The following NRBF2 variants were observed in gnomAD, a reference collection of about 807,000 sequenced individuals.
The protein encoded by NRBF2 is nuclear receptor binding factor 2, also known as nuclear receptor-binding factor 2.
Under a neutral mutation model 28.5 loss-of-function variants are expected in NRBF2, and 12 were observed. The ratio of observed to expected loss-of-function variants is 0.42; its 90% confidence interval spans 0.27 to 0.68. The LOEUF (loss-of-function observed/expected upper bound fraction) is 0.68. NRBF2 is among the 30% of genes least tolerant of loss of function. The pLI, the probability that NRBF2 is intolerant of heterozygous loss-of-function variation, is 0.24. For missense variants in NRBF2, 274 were observed against 333.5 expected, an observed-to-expected ratio of 0.82 and a Z score of 1.39; for synonymous variants, 102 against 116.5, an observed-to-expected ratio of 0.88 and a Z score of 0.80.
rs548510520 is a variant in NRBF2 at position 63,148,814 on chromosome 10, T to A, written c.115+2521T>A. ...AGCATTCATTTGCCAGATAAGCACA[T>A]CCCTAAGTGAATTTCTCTTCTTTCA... On this transcript the variant is annotated intron_variant, in intron 2 of 3. Transcript: ENST00000277746. 3.9e-5 allele frequency among the ~76,000 whole-genome samples: 6 copies of A among 152,242 alleles called. No individual in the cohort carries two copies. In the South Asian group the frequency reaches 1.2e-3, roughly 32 times the overall value.
chr10:63,143,747 C>T (rs1342610426), intron 1 of NRBF2, among the ~76,000 whole-genome samples: 4 of 137,440 alleles, frequency 2.9e-5, no homozygotes, highest in African/African-American at 1.1e-4. Context: ...CCACCATGCC[C>T]GATTTTTTTT....
intron 1 of NRBF2, among the ~76,000 whole-genome samples, chr10:63,136,708 C>G (rs557997866): frequency 9.8e-5 from 15 of 152,292 alleles, no homozygotes; most frequent in Admixed American, 6.5e-4. Flanking sequence ...CCATATTGTA[C>G]TCATCATGTT....
intron 1 of NRBF2, among the ~76,000 whole-genome samples, 158 bp from the exon 2 acceptor site, chr10:63,146,051 A>G (rs1841555531): frequency 6.6e-6 from 1 of 152,170 alleles, no homozygotes; most frequent in African/African-American, 2.4e-5. Flanking sequence ...TCTAGGCTCT[A>G]CCCATTACAT....
chr10:63,151,986 C>T (rs567561867), intron 2 of NRBF2, among the ~76,000 whole-genome samples, 164 bp from the exon 3 acceptor site: 93 of 152,320 alleles, frequency 6.1e-4, no homozygotes, highest in African/African-American at 2.2e-3. Flanking sequence ...TTGCCACTGA[C>T]ATCCTTTTGG....
chr10:63,142,780 C>CTTTTTTTTTTTTTTTTTTTTTTTT lies in NRBF2; in HGVS notation c.31-3409_31-3408insTTTTTTTTTTTTTTTTTTTTTTTT, dbSNP rs781293012. Among the ~76,000 whole-genome samples, 42 of 74,900 alleles carry CTTTTTTTTTTTTTTTTTTTTTTTT rather than the reference C, an allele frequency of 5.6e-4. 1 individual carries two copies. The highest frequency in any genetic ancestry group is 1.5e-3 in the African/African-American group (25 of 17,112). 49.1% of individuals were successfully genotyped at this position (74,900 alleles called of 152,430 possible). A position where few individuals can be genotyped will look rare whatever the true frequency, so the allele number is the denominator to read the frequency against. ...AGTCATTTCTTTTCTTTCTTTCTTT[C>CTTTTTTTTTTTTTTTTTTTTTTTT]TTTTTTTTTTTTTTTTTTTTGAGGC... On this transcript the variant is annotated intron_variant, in intron 1 of 3. Coordinates refer to ENST00000277746, the MANE Select transcript of NRBF2 (RefSeq NM_030759.5).
chr10:63,144,177 A>T (rs554234031), intron 1 of NRBF2, among the ~76,000 whole-genome samples: 2 of 152,074 alleles, frequency 1.3e-5, no homozygotes, highest in South Asian at 4.2e-4. Flanking sequence ...AATGTCCAGA[A>T]TTTTTTCATC....
In NRBF2 at chr10:63,135,647, CTTTTTTTT is replaced by C. The variant is rs763603312; in HGVS notation, c.30+2158_30+2165del. 6.1e-3 allele frequency among the ~76,000 whole-genome samples: 789 copies of C among 129,456 alleles called. 7 individuals are homozygous for C. The highest frequency in any genetic ancestry group is 0.021 in the African/African-American group (732 of 35,562). 84.9% of individuals were successfully genotyped at this position (129,456 alleles called of 152,430 possible). On this transcript the variant is annotated intron_variant, in intron 1 of 3. Coordinates refer to ENST00000277746, the MANE Select transcript of NRBF2 (RefSeq NM_030759.5). ...TATCAGAAATTTGGCATCTTGAATTCTTTTTTTTTTTTTTTTTTGAGATGGAGTCTCTC... is the reference window on the plus strand; with the variant it reads ...TATCAGAAATTTGGCATCTTGAATTCTTTTTTTTTTGAGATGGAGTCTCTC...
chr10:63,139,547 T>C (rs1198756035), intron 1 of NRBF2, among the ~76,000 whole-genome samples: 1 of 152,150 alleles, frequency 6.6e-6, no homozygotes, highest in Admixed American at 6.5e-5. Flanking sequence ...CACTTGAAAT[T>C]AGCTTAAGCC....
intron 1 of NRBF2, among the ~76,000 whole-genome samples, chr10:63,140,144 AAAAC>A (rs148912642): frequency 0.018 from 2,785 of 152,264 alleles, 84 homozygotes; most frequent in African/African-American, 0.064. Context: ...CATCTCAAAA[AAAAC>A]AGCAAGGAAA....
intron 1 of NRBF2, among the ~76,000 whole-genome samples, chr10:63,144,641 C>A (rs576527696): frequency 6.6e-6 from 1 of 152,258 alleles, no homozygotes; most frequent in South Asian, 2.1e-4. Context: ...TGGTCTCGAT[C>A]TCCTGACCTT....
intron 2 of NRBF2, among the ~76,000 whole-genome samples, chr10:63,147,013 G>A (rs972583142): frequency 3.9e-5 from 6 of 152,110 alleles, no homozygotes; most frequent in Non-Finnish European, 8.8e-5. Flanking sequence ...TAGTGTAGTG[G>A]TAAGTATAAA....
Position 63,153,663 on chromosome 10 carries a change from A to G in NRBF2, c.309A>G (p.Lys103=). The G allele has an allele frequency of 6.2e-7, 1 of 1,611,670 alleles. No individual in the cohort carries two copies. The highest frequency in any genetic ancestry group is 8.5e-7 in the Non-Finnish European group (1 of 1,179,754). ...CTGCCCATCTTCAGACATCTCACAA[A>G]CCCTCTGCAGAGGATGCAGAGGGCC... ...DAAAHLQTSH[K]PSAEDAEGQS... is the part of the protein sequence containing the mutation. Residue 103 remains lysine, a synonymous_variant, in exon 4 of 4, where the codon AAA becomes AAG. Coordinates refer to ENST00000277746, the MANE Select transcript of NRBF2 (RefSeq NM_030759.5).
chr10:63,139,193 G>C (rs996704364), intron 1 of NRBF2, among the ~76,000 whole-genome samples: 1 of 151,952 alleles, frequency 6.6e-6, no homozygotes, highest in Non-Finnish European at 1.5e-5. Context: ...TATTTTTAGC[G>C]TAGATGGGGT....
chr10:63,150,141 G>A (rs1438605929), intron 2 of NRBF2, among the ~76,000 whole-genome samples: 3 of 150,866 alleles, frequency 2.0e-5, no homozygotes, highest in East Asian at 1.9e-4. Flanking sequence ...TAGTAGAGAC[G>A]GGGTTTCACC....
chr10:63,150,370 G>A (rs1029907645), intron 2 of NRBF2: 1 of 983,182 alleles, frequency 1.0e-6, no homozygotes, highest in Non-Finnish European at 1.2e-6. Flanking sequence ...AGCATAGCTG[G>A]AGCAAAGACT....
At chr10:63,144,153 A>G (rs1287919139) in intron 1 of NRBF2, among the ~76,000 whole-genome samples, 1 of 152,158 alleles carries the variant, frequency 6.6e-6, no homozygotes, top group African/African-American at 2.4e-5. Context: ...GTATATTCGC[A>G]TGGTTGTGCA....
Position 63,154,243 on chromosome 10 carries a change from A to G in NRBF2, c.*25A>G. 6.5e-6 allele frequency: 9 copies of G among 1,389,566 alleles called. No individual in the cohort carries two copies. Among genetic ancestry groups the G allele is most frequent in the Non-Finnish European group, 9.0e-6 (9 of 1,004,062 alleles). The allele number at this position is 1,389,566 out of a possible 1,614,324, so 86.1% of individuals were successfully genotyped here. On this transcript the variant is annotated 3_prime_UTR_variant, in exon 4 of 4. Coordinates refer to ENST00000277746, the MANE Select transcript of NRBF2 (RefSeq NM_030759.5). Reference sequence around the variant, plus strand: ...AAATGGAAGGCCACAGAAAAGGGGAAAAGAGGAAATAATACAGTAATCGTT... The same window carrying G: ...AAATGGAAGGCCACAGAAAAGGGGAGAAGAGGAAATAATACAGTAATCGTT...
In NRBF2 at chr10:63,149,965, G is replaced by A. The variant is rs150532784; in HGVS notation, c.116-2185G>A. ...AGATTTTTTTTTTTTTTTTTGAAACGGAGTCTTGCTCTGTTACCCAGGCTG... is the reference window on the plus strand; with the variant it reads ...AGATTTTTTTTTTTTTTTTTGAAACAGAGTCTTGCTCTGTTACCCAGGCTG... On this transcript the variant is annotated intron_variant, in intron 2 of 3. Coordinates refer to ENST00000277746, the MANE Select transcript of NRBF2 (RefSeq NM_030759.5). Among the ~76,000 whole-genome samples the A allele has an allele frequency of 8.7e-3, 1,307 of 149,914 alleles. 21 individuals carry two copies. Among genetic ancestry groups the A allele is most frequent in the African/African-American group, 0.03 (1,234 of 40,732 alleles).
In NRBF2 at chr10:63,146,264, A is replaced by C; in HGVS notation, c.86A>C (p.Glu29Ala). The C allele has an allele frequency of 6.2e-7, 1 of 1,612,708 alleles. No homozygotes were observed. The highest frequency in any genetic ancestry group is 8.5e-7 in the Non-Finnish European group (1 of 1,179,732). Residue 29 changes from glutamate to alanine, a missense_variant, in exon 2 of 4, where the codon GAG becomes GCG. By Grantham distance (107) the Glu-to-Ala change is moderately radical. Transcript: ENST00000277746. ...DRLLAAGKYE[E>A]AISCHKKAAA... ...TTATTAGCTGCAGGCAAATACGAAG[A>C]GGCTATTTCTTGTCACAAAAAGGCT...
Sources: allele counts gnomAD v4.1 joint callset (sites outside exome capture counted in the v4.1 genomes callset), GRCh38; gene constraint gnomAD v4.1.1; transcripts MANE v1.5; gene names NCBI Gene and HGNC (gene_info 2026-07-23, HGNC 2026-07-21).